ARHGAP42: variants seen among roughly 807,000 people sequenced by gnomAD.
ARHGAP42 encodes Rho GTPase activating protein 42, also known as rho GTPase-activating protein 42.
In ARHGAP42, 63 loss-of-function variants were observed where a neutral mutation model predicts 125.0. The ratio of observed to expected loss-of-function variants is 0.50; its 90% CI spans 0.41 to 0.62. The LOEUF is 0.62. ARHGAP42 is among the 20% of genes least tolerant of loss of function. The pLI, the probability that ARHGAP42 is intolerant of heterozygous loss-of-function variation, is 0.00. For missense variants in ARHGAP42, 766 were observed against 1,024.2 expected (o/e 0.75, Z 3.44); for synonymous variants, 339 against 351.0 (o/e 0.97, Z 0.38).
intron 1 of ARHGAP42, among the ~76,000 whole-genome samples, chr11:100,749,226 C>A (rs1451566040): frequency 6.6e-6 from 1 of 152,120 alleles, no homozygotes; most frequent in African/African-American, 2.4e-5. Flanking sequence ...AAGGCTCAAC[C>A]CCTCAAACCA....
At chr11:100,948,907 G>C (rs1176408003) in intron 11 of ARHGAP42, among the ~76,000 whole-genome samples, 1 of 151,932 alleles carries the variant, frequency 6.6e-6, no homozygotes, top group Non-Finnish European at 1.5e-5. Flanking sequence ...CAAGGTTCAG[G>C]GTAAGAACTG....
intron 4 of ARHGAP42, among the ~76,000 whole-genome samples, chr11:100,876,701 T>C (rs1469976902): frequency 6.6e-6 from 1 of 151,974 alleles, no homozygotes; most frequent in African/African-American, 2.4e-5. Flanking sequence ...GCAAGCAATA[T>C]ATTTGCAACT....
At chr11:100,943,984 A>G (rs1867951604) in intron 10 of ARHGAP42, 116 bp downstream of exon 10, 1 of 651,482 alleles carries the variant, frequency 1.5e-6, no homozygotes, top group Non-Finnish European at 2.5e-6. Context: ...AAAAAACAGT[A>G]TACATGTTTA....
chr11:100,901,703 C>T (rs983363720), intron 4 of ARHGAP42, among the ~76,000 whole-genome samples: 1 of 152,228 alleles, frequency 6.6e-6, no homozygotes, highest in African/African-American at 2.4e-5. Flanking sequence ...GCTCCGTGGG[C>T]ATGGGACCCC....
chr11:100,914,447 A>G (rs940265888), intron 5 of ARHGAP42, among the ~76,000 whole-genome samples: 9 of 151,788 alleles, frequency 5.9e-5, no homozygotes, highest in African/African-American at 2.2e-4. Flanking sequence ...TTTCAGTGAC[A>G]AAGTGTGTCC....
At chr11:100,908,287 A>T (rs1257065714) in intron 4 of ARHGAP42, among the ~76,000 whole-genome samples, 1 of 152,212 alleles carries the variant, frequency 6.6e-6, no homozygotes, top group African/African-American at 2.4e-5. Flanking sequence ...TCAGTGGAAG[A>T]CATTGAGTTG....
intron 1 of ARHGAP42, among the ~76,000 whole-genome samples, chr11:100,704,796 GCC>G (rs1158742301): frequency 6.6e-6 from 1 of 150,406 alleles, no homozygotes; most frequent in Non-Finnish European, 1.5e-5. Flanking sequence ...CGCCCCCGCC[GCC>G]CACTCCTTGT....
At chr11:100,779,080 TAAAAGC>T (rs1457805024) in intron 2 of ARHGAP42, among the ~76,000 whole-genome samples, 4 of 152,146 alleles carry the variant, frequency 2.6e-5, no homozygotes, top group African/African-American at 4.8e-5. Flanking sequence ...ACCACAGCTG[TAAAAGC>T]TATTAAACTT....
At chr11:100,903,117 G>GTGCACACACACACACA (rs1555021071) in intron 4 of ARHGAP42, among the ~76,000 whole-genome samples, 2 of 132,036 alleles carry the variant, frequency 1.5e-5, no homozygotes, top group Admixed American at 1.6e-4. Context: ...TCCAAGATGC[G>GTGCACACACACACACA]CACACACACA....
intron 1 of ARHGAP42, among the ~76,000 whole-genome samples, chr11:100,767,723 C>G (rs1251611710): frequency 6.6e-6 from 1 of 151,990 alleles, no homozygotes; most frequent in Non-Finnish European, 1.5e-5. Flanking sequence ...CCCTTGTATC[C>G]CCAGTCTCAA....
At chr11:100,903,752 A>ATATG (rs1163249369) in intron 4 of ARHGAP42, among the ~76,000 whole-genome samples, 15 of 125,632 alleles carry the variant, frequency 1.2e-4, no homozygotes, top group South Asian at 7.9e-4. Flanking sequence ...ATATATATAT[A>ATATG]TATGTATGTA....
intron 4 of ARHGAP42, among the ~76,000 whole-genome samples, chr11:100,871,850 T>C (rs1041748442): frequency 6.6e-6 from 1 of 152,144 alleles, no homozygotes; most frequent in East Asian, 1.9e-4. Context: ...TTCAAGCAAC[T>C]CTCCTGCTTC....
chr11:100,862,423 TTTC>T (rs66584689), intron 4 of ARHGAP42, among the ~76,000 whole-genome samples: 20,535 of 152,108 alleles, frequency 0.14, 1,524 homozygotes, highest in African/African-American at 0.2. Context: ...GGGAAATCTT[TTTC>T]TTATTTGGAG....
intron 4 of ARHGAP42, among the ~76,000 whole-genome samples, chr11:100,875,131 G>C (rs201112786): frequency 3.4e-5 from 4 of 116,602 alleles, no homozygotes; most frequent in African/African-American, 6.3e-5. Context: ...GTGTGTGTGT[G>C]TGTGTGTGTG....
chr11:100,726,252 A>G (rs1477060669), intron 1 of ARHGAP42, among the ~76,000 whole-genome samples: 1 of 152,244 alleles, frequency 6.6e-6, no homozygotes. Flanking sequence ...GTAATCCCCA[A>G]GTCTAAAGCA....
intron 2 of ARHGAP42, among the ~76,000 whole-genome samples, chr11:100,774,104 A>G (rs990298117): frequency 3.3e-5 from 5 of 152,232 alleles, no homozygotes; most frequent in African/African-American, 1.2e-4. Flanking sequence ...GAGCTCCCAC[A>G]TATACTCTAA....
In ARHGAP42 at chr11:100,861,937, T is replaced by C. The variant is rs76812971; in HGVS notation, c.384+2312T>C. 4.2e-3 allele frequency among the ~76,000 whole-genome samples: 638 copies of C among 152,242 alleles called. 1 individual carries two copies. Among genetic ancestry groups the C allele is most frequent in the Non-Finnish European group, 4.7e-3 (319 of 68,012 alleles). On this transcript the variant is annotated intron_variant, in intron 4 of 23. Transcript: ENST00000298815. The stretch of plus-strand genomic sequence containing the variant: ...AGTGAGACGGGAAGAGGACCCAGGA[T>C]GTTTATAACCAAAGAACTCTCTCAA...
intron 20 of ARHGAP42, 97 bp from the exon 21 acceptor site, chr11:100,976,718 C>T (rs898611411): frequency 7.0e-6 from 10 of 1,430,274 alleles, no homozygotes; most frequent in Admixed American, 4.6e-5. Flanking sequence ...CATTTGGGCT[C>T]AGAGAAAAAT....
At chr11:100,814,978 A>T (rs1295783025) in intron 3 of ARHGAP42, among the ~76,000 whole-genome samples, 2 of 152,222 alleles carry the variant, frequency 1.3e-5, no homozygotes, top group Non-Finnish European at 2.9e-5. Context: ...CTCAGTTTAC[A>T]TAAGATGTGA....
Sources: gnomAD v4.1 joint callset for allele counts (sites outside exome capture counted in the v4.1 genomes callset) on GRCh38, gnomAD v4.1.1 for gene constraint, MANE v1.5 for transcripts, NCBI Gene and HGNC (gene_info 2026-07-23, HGNC 2026-07-21) for gene names.